WDR59: variants seen among roughly 807,000 people sequenced by gnomAD.
WDR59 encodes GATOR2 complex protein WDR59.
WDR59 carries 100 observed loss-of-function variants against 131.2 expected under a neutral mutation model. The ratio of observed to expected loss-of-function variants is 0.76; its 90% CI spans 0.65 to 0.90. The LOEUF (loss-of-function observed/expected upper bound fraction) is 0.90. Among genes scored for constraint, WDR59 ranks in the 40% least tolerant of loss-of-function variants. The pLI is 0.00. For synonymous variants in WDR59, 601 were observed against 466.2 expected (o/e 1.29, Z -3.72); for missense variants, 1,203 against 1,262.2 (o/e 0.95, Z 0.71).
At chr16:74,889,941 A>T (rs776502209) in intron 20 of WDR59, 126 bp from the exon 21 acceptor site, 2 of 632,114 alleles carry the variant, frequency 3.2e-6, no homozygotes, top group Non-Finnish European at 5.4e-6. Flanking sequence ...CAAAAGCTGG[A>T]TCCTTATTGA....
chr16:74,915,653 G>T (rs1372149582), intron 13 of WDR59: 4 of 484,130 alleles, frequency 8.3e-6, no homozygotes, highest in Non-Finnish European at 1.4e-5. Flanking sequence ...TGGCTTCCTG[G>T]TTTCAAGTGA....
rs1025611980 is a variant in WDR59 at position 74,908,924 on chromosome 16, T to TG, written c.1695dup (p.Thr566HisfsTer65). 6.2e-7 allele frequency: 1 copy of TG among 1,613,996 alleles called. No individual in the cohort carries two copies. The highest frequency in any genetic ancestry group is 1.3e-5 in the African/African-American group (1 of 74,928). On this transcript the variant is annotated frameshift_variant, in exon 17 of 26. Transcript: ENST00000262144. LOFTEE classifies it high-confidence loss of function. ...CTGACTCACCTCGGAGTAGGCTCTGTGGGAGACACCGCCCGATGCATTGTC... is the reference window on the plus strand; with the variant it reads ...CTGACTCACCTCGGAGTAGGCTCTGTGGGGAGACACCGCCCGATGCATTGTC...
chr16:74,941,507 A>T (rs1285139268), intron 7 of WDR59, among the ~76,000 whole-genome samples: 1 of 152,014 alleles, frequency 6.6e-6, no homozygotes, highest in Non-Finnish European at 1.5e-5. Context: ...CATCCTGGCC[A>T]ACATGTGAAA....
At chr16:74,946,573 T>G (rs1037828440) in intron 6 of WDR59, among the ~76,000 whole-genome samples, 37 of 151,780 alleles carry the variant, frequency 2.4e-4, no homozygotes, top group Non-Finnish European at 2.5e-4. Context: ...AATACAAAAA[T>G]TAGCTGGGTG....
chr16:74,929,464 C>A (rs2031187261), intron 8 of WDR59, among the ~76,000 whole-genome samples: 1 of 152,126 alleles, frequency 6.6e-6, no homozygotes, highest in African/African-American at 2.4e-5. Flanking sequence ...AAATGCAAAT[C>A]AAAACTACAA....
intron 6 of WDR59, among the ~76,000 whole-genome samples, chr16:74,946,932 G>A (rs1451176429): frequency 7.6e-6 from 1 of 130,836 alleles, no homozygotes; most frequent in Non-Finnish European, 1.7e-5. Context: ...GAATTTAAGA[G>A]ACAGATAACA....
chr16:74,957,829 G>A (rs1465279684), intron 2 of WDR59, among the ~76,000 whole-genome samples: 1 of 152,126 alleles, frequency 6.6e-6, no homozygotes, highest in African/African-American at 2.4e-5. Flanking sequence ...CTGCTCAGAA[G>A]AGCCAGGAAA....
chr16:74,965,142 T>A (rs1254900291), intron 2 of WDR59, among the ~76,000 whole-genome samples: 1 of 152,120 alleles, frequency 6.6e-6, no homozygotes, highest in Non-Finnish European at 1.5e-5. Flanking sequence ...TTGGCTCACG[T>A]GGTCCTCCTG....
In WDR59 at chr16:74,938,178, G is replaced by C; in HGVS notation, c.623C>G (p.Ala208Gly). 6.3e-6 allele frequency: 10 copies of C among 1,575,820 alleles called. No homozygotes were observed. Among genetic ancestry groups the C allele is most frequent in the Non-Finnish European group, 8.6e-6 (10 of 1,161,956 alleles). ...CACAGAATTGTCTTGACTGGAGGTA[G>C]CAAGAATGTGCTCGCTGTCTGGGTG... Reference protein sequence around the residue: ...DWHPDSEHILATSSQDNSVKF... With the variant: ...DWHPDSEHILGTSSQDNSVKF... Residue 208 changes from alanine to glycine, a missense_variant, in exon 8 of 26, where the codon GCT becomes GGT. Ala to Gly is a moderately conservative substitution (Grantham distance 60). Transcript: ENST00000262144.
At position 74,916,234 on chromosome 16, in the gene WDR59, C is replaced by T. The variant is rs771032969; in HGVS notation, c.992G>A (p.Gly331Asp). The part of the protein sequence containing the change: ...QRLCANDILD[G>D]VDEFIESISL... ...AATACTCTCAATGAACTCATCAACA[C>T]CATCTAATATGTCATTTGCACAAAG... The change falls in exon 12 of 26, where the codon GGT (glycine) becomes GAT (aspartate). Residue 331 changes from glycine (G) to aspartate (D), a missense_variant. Gly to Asp is a moderately conservative substitution (Grantham distance 94). Transcript: ENST00000262144. 6.2e-7 allele frequency: 1 copy of T among 1,614,024 alleles called. No individual in the cohort carries two copies. Among genetic ancestry groups the T allele is most frequent in the Non-Finnish European group, 8.5e-7 (1 of 1,179,970 alleles).
chr16:74,947,706 T>C (rs964648014), intron 6 of WDR59, among the ~76,000 whole-genome samples: 1 of 152,208 alleles, frequency 6.6e-6, no homozygotes, highest in Non-Finnish European at 1.5e-5. Flanking sequence ...AGTATGATAT[T>C]GGGATTCTTC....
chr16:74,891,673 A>T (rs1262406820), intron 20 of WDR59, among the ~76,000 whole-genome samples: 1 of 152,260 alleles, frequency 6.6e-6, no homozygotes, highest in Non-Finnish European at 1.5e-5. Context: ...CTGTAATCCC[A>T]ACACTTTGGG....
At position 74,951,478 on chromosome 16, in the gene WDR59, T is replaced by C. The variant is rs1438786901; in HGVS notation, c.306A>G (p.Gln102=). ...CCTACCTGATGACACGAGTGTGGCCTTGTAAGGTTGTGCCAACTTCCCCAC... is the reference window on the plus strand; with the variant it reads ...CCTACCTGATGACACGAGTGTGGCCCTGTAAGGTTGTGCCAACTTCCCCAC... ...DGSGEVGTTL[Q]GHTRVISDLD... Residue 102 remains glutamine (Q), a synonymous_variant, in exon 4 of 26, where the codon CAA becomes CAG. Coordinates refer to ENST00000262144, the MANE Select transcript of WDR59 (RefSeq NM_030581.4). The C allele has an allele frequency of 1.2e-6, 2 of 1,601,486 alleles. No homozygotes were observed. The highest frequency in any genetic ancestry group is 1.7e-6 in the Non-Finnish European group (2 of 1,174,592).
At chr16:74,951,344 G>T in intron 4 of WDR59, 114 bp downstream of exon 4, 2 of 1,031,732 alleles carry the variant, frequency 1.9e-6, no homozygotes, top group South Asian at 1.4e-5. Flanking sequence ...GACCACCCGG[G>T]ACCTGTGCAA....
At chr16:74,950,041 T>C in intron 4 of WDR59, 1 of 546,332 alleles carries the variant, frequency 1.8e-6, no homozygotes, top group Non-Finnish European at 3.5e-6. Context: ...GTGCTTCAAC[T>C]TAAAACATTC....
At chr16:74,951,200 C>T (rs370530985) in intron 4 of WDR59, among the ~76,000 whole-genome samples, 1 of 150,114 alleles carries the variant, frequency 6.7e-6, no homozygotes. Flanking sequence ...TAATCCTTTA[C>T]CCTGGACTGG....
intron 7 of WDR59, among the ~76,000 whole-genome samples, chr16:74,941,161 C>A (rs1014342945): frequency 6.7e-6 from 1 of 149,582 alleles, no homozygotes; most frequent in Non-Finnish European, 1.5e-5. Flanking sequence ...CTTCAGCAAC[C>A]TTGTCTCTAC....
intron 1 of WDR59, among the ~76,000 whole-genome samples, chr16:74,969,574 TTTTTTG>T (rs67573468): frequency 0.26 from 38,164 of 149,498 alleles, 5,451 homozygotes; most frequent in South Asian, 0.35. Context: ...CCCGGCCTGT[TTTTTTG>T]TTTTTATTTT....
intron 6 of WDR59, among the ~76,000 whole-genome samples, chr16:74,943,240 C>CT (rs3064646): frequency 0.043 from 6,363 of 146,596 alleles, 441 homozygotes; most frequent in African/African-American, 0.15. Flanking sequence ...TGCCTGCCCC[C>CT]TTTTTTTTTT....
Sources: allele counts gnomAD v4.1 joint callset (sites outside exome capture counted in the v4.1 genomes callset), GRCh38; gene constraint gnomAD v4.1.1; transcripts MANE v1.5; gene names NCBI Gene and HGNC (gene_info 2026-07-23, HGNC 2026-07-21).